Variants in CSGALNACT1 observed in about 807,000 individuals in gnomAD.
CSGALNACT1 encodes beta4GalNAcT-1.
CSGALNACT1 carries 52 observed loss-of-function variants against 51.0 expected under a neutral mutation model. The observed-to-expected ratio is 1.02, with a 90% CI of 0.82 to 1.29. The LOEUF is 1.29. Ranked by LOEUF, CSGALNACT1 falls within the 50% of genes most tolerant of loss-of-function variation. The pLI is 0.00. For synonymous variants in CSGALNACT1, 341 were observed against 254.4 expected (o/e 1.34, Z -3.24); for missense variants, 935 against 679.2 (o/e 1.38, Z -4.19).
chr8:19,650,099 T>C (rs1040277551), intron 1 of CSGALNACT1, among the ~76,000 whole-genome samples: 2 of 152,158 alleles, frequency 1.3e-5, no homozygotes, highest in Admixed American at 1.3e-4. Context: ...GTTAAAACGA[T>C]TCAGTTGCTC....
rs190278960 is a variant in CSGALNACT1, at chr8:19,452,761, C to A, written c.851+5665G>T. ...GAGAGCCAAGTATGATACCTCTACC[C>A]CTTGGGAAAACAATTAATTCCCCCT... On this transcript the variant is annotated intron_variant, in intron 5 of 9. Transcript: ENST00000454498. Among the ~76,000 whole-genome samples the A allele has an allele frequency of 1.5e-3, 228 of 152,130 alleles. 1 individual carries two copies. In the Middle Eastern group the frequency reaches 0.017, roughly 11 times the overall value.
intron 1 of CSGALNACT1, among the ~76,000 whole-genome samples, chr8:19,638,823 C>A (rs1295210574): frequency 6.6e-6 from 1 of 151,902 alleles, no homozygotes; most frequent in Non-Finnish European, 1.5e-5. Flanking sequence ...TTTGTAAATT[C>A]AATAGATGAT....
chr8:19,675,746 C>T (rs2060129169), intron 1 of CSGALNACT1, among the ~76,000 whole-genome samples: 1 of 152,090 alleles, frequency 6.6e-6, no homozygotes, highest in Non-Finnish European at 1.5e-5. Flanking sequence ...CCTCAGCCTC[C>T]TAAAATGCTA....
At chr8:19,638,927 C>T (rs1037515586) in intron 1 of CSGALNACT1, among the ~76,000 whole-genome samples, 3 of 151,866 alleles carry the variant, frequency 2.0e-5, no homozygotes, top group Non-Finnish European at 4.4e-5. Flanking sequence ...GTTAAAACTA[C>T]CACATACATA....
intron 1 of CSGALNACT1, among the ~76,000 whole-genome samples, chr8:19,697,898 A>G (rs1300408951): frequency 3.9e-5 from 6 of 152,192 alleles, no homozygotes; most frequent in Non-Finnish European, 5.9e-5. Context: ...TGCAAAAGAG[A>G]GCTATTGAAA....
chr8:19,647,370 T>A (rs1330443844), intron 1 of CSGALNACT1, among the ~76,000 whole-genome samples: 1 of 152,200 alleles, frequency 6.6e-6, no homozygotes, highest in African/African-American at 2.4e-5. Flanking sequence ...TGAGTTGGAA[T>A]CATGCCACTG....
intron 1 of CSGALNACT1, among the ~76,000 whole-genome samples, chr8:19,627,971 A>G (rs1050781728): frequency 2.0e-5 from 3 of 152,228 alleles, no homozygotes; most frequent in Non-Finnish European, 2.9e-5. Flanking sequence ...GAAAGCTGGG[A>G]GAAGGAACCT....
At chr8:19,422,053 C>G (rs1418366346) in intron 6 of CSGALNACT1, among the ~76,000 whole-genome samples, 4 of 152,196 alleles carry the variant, frequency 2.6e-5, no homozygotes, top group African/African-American at 4.8e-5. Flanking sequence ...GCAAGTCACT[C>G]TACCCCTTTT....
At chr8:19,722,160 G>C (rs759354283) in intron 1 of CSGALNACT1, among the ~76,000 whole-genome samples, 5 of 151,880 alleles carry the variant, frequency 3.3e-5, no homozygotes, top group Middle Eastern at 3.2e-3. Context: ...AATTAGATGA[G>C]AAAAAGAACA....
At chr8:19,659,415 T>A (rs2058574666) in intron 1 of CSGALNACT1, among the ~76,000 whole-genome samples, 1 of 152,198 alleles carries the variant, frequency 6.6e-6, no homozygotes, top group South Asian at 2.1e-4. Context: ...ACCCAAGACA[T>A]GAATTCTCAT....
intron 1 of CSGALNACT1, among the ~76,000 whole-genome samples, chr8:19,751,518 C>A (rs11204068): frequency 6.6e-6 from 1 of 151,906 alleles, no homozygotes; most frequent in Non-Finnish European, 1.5e-5. Flanking sequence ...CAGATTATTG[C>A]GACTACTAGA....
At chr8:19,609,948 C>T (rs1403905877) in intron 1 of CSGALNACT1, among the ~76,000 whole-genome samples, 2 of 151,950 alleles carry the variant, frequency 1.3e-5, no homozygotes, top group Non-Finnish European at 2.9e-5. Flanking sequence ...AGGCCGGGCA[C>T]GGTGGCTCAC....
intron 1 of CSGALNACT1, among the ~76,000 whole-genome samples, chr8:19,710,344 T>A (rs538901375): frequency 1.3e-5 from 2 of 152,302 alleles, no homozygotes; most frequent in South Asian, 4.1e-4. Flanking sequence ...TCATCTAGTT[T>A]GTTTTATAGC....
At chr8:19,754,408 A>G (rs2065230579) in intron 1 of CSGALNACT1, among the ~76,000 whole-genome samples, 1 of 152,238 alleles carries the variant, frequency 6.6e-6, no homozygotes, top group Admixed American at 6.5e-5. Flanking sequence ...ACAAATATCT[A>G]TTTAGGAAAT....
At chr8:19,498,408 G>A (rs2075843684) in intron 4 of CSGALNACT1, among the ~76,000 whole-genome samples, 1 of 152,148 alleles carries the variant, frequency 6.6e-6, no homozygotes, top group African/African-American at 2.4e-5. Flanking sequence ...ACCCAACACG[G>A]GTGAGATGGG....
At chr8:19,451,958 T>A (rs1586319277) in intron 5 of CSGALNACT1, among the ~76,000 whole-genome samples, 2 of 152,222 alleles carry the variant, frequency 1.3e-5, no homozygotes, top group South Asian at 4.1e-4. Flanking sequence ...GGTGTTGATA[T>A]TTTAAAGGTG....
upstream of CSGALNACT1, among the ~76,000 whole-genome samples, chr8:19,604,497 A>G (rs573976814): frequency 1.3e-5 from 2 of 152,334 alleles, no homozygotes; most frequent in African/African-American, 4.8e-5. Context: ...TGGTGAAGTC[A>G]GGATCTTTCT....
chr8:19,563,349 T>C (rs888458107), intron 3 of CSGALNACT1, among the ~76,000 whole-genome samples: 32 of 152,142 alleles, frequency 2.1e-4, no homozygotes, highest in African/African-American at 7.7e-4. Context: ...AGGTGATGGG[T>C]TGACAGGTGC....
intron 3 of CSGALNACT1, among the ~76,000 whole-genome samples, chr8:19,547,781 C>T (rs895649761): frequency 1.3e-5 from 2 of 152,132 alleles, no homozygotes; most frequent in African/African-American, 4.8e-5. Flanking sequence ...GGAGATGGAT[C>T]ACTGATTTGT....
Sources: allele counts gnomAD v4.1 joint callset (sites outside exome capture counted in the v4.1 genomes callset), GRCh38; gene constraint gnomAD v4.1.1; transcripts MANE v1.5; gene names NCBI Gene and HGNC (gene_info 2026-07-23, HGNC 2026-07-21).